Variants in ODAPH observed in about 807,000 individuals in gnomAD.
The protein encoded by ODAPH is odontogenesis associated phosphoprotein.
Under a neutral mutation model 2.8 loss-of-function variants are expected in ODAPH, and 2 were observed. The observed-to-expected ratio is 0.72, with a 90% CI of 0.30 to 2.28. The LOEUF (loss-of-function observed/expected upper bound fraction) is 2.28, where lower values mean the gene tolerates loss of function less well. Among genes scored for constraint, ODAPH ranks in the 30% most tolerant of loss-of-function variants. The probability of loss-of-function intolerance (pLI) is 0.13; values close to 1 mark genes in which losing one functional copy is unlikely to be tolerated. For missense variants in ODAPH, 159 were observed against 163.3 expected (o/e 0.97, Z 0.14); for synonymous variants, 75 against 60.3 (o/e 1.24, Z -1.13).
rs138139808 is a variant in ODAPH at position 75,558,606 on chromosome 4, C to G, written c.67+2457C>G. On this transcript the variant is annotated intron_variant, in intron 1 of 1. Transcript: ENST00000311623. ...GTATGCTGTGAATTTCATGTCTAGA[C>G]TATAATAAACCACCTTAAAACTGAT... Among the ~76,000 whole-genome samples, 567 of 152,054 alleles carry G rather than the reference C, an allele frequency of 3.7e-3. 2 individuals are homozygous for G. The highest frequency in any genetic ancestry group is 0.013 in the African/African-American group (545 of 41,488).
Position 75,564,398 on chromosome 4 carries a change from A to T in ODAPH, c.352A>T (p.Arg118Ter). The change falls in exon 2 of 2, where the codon AGA becomes TGA. Residue 118 changes from arginine to a stop codon, truncating the protein, a stop_gained. Coordinates refer to ENST00000311623, the MANE Select transcript of ODAPH (RefSeq NM_178497.5). LOFTEE classifies it high-confidence loss of function. ...HRYLTYRYFP[R>*]RRLQRGSSSE... ...TTACCTTACTTATAGGTATTTCCCC[A>T]GAAGAAGACTCCAGAGAGGAAGCTC... The T allele has an allele frequency of 1.2e-6, 2 of 1,614,198 alleles. No homozygotes were observed.
intron 1 of ODAPH, among the ~76,000 whole-genome samples, chr4:75,556,902 G>A (rs568240439): frequency 1.5e-4 from 23 of 152,124 alleles, no homozygotes; most frequent in Non-Finnish European, 2.8e-4. Flanking sequence ...TGCTGTTTAC[G>A]GAAGATGGAC....
In ODAPH at chr4:75,564,478, G is replaced by C. The variant is rs1727736226; in HGVS notation, c.*39G>C. The stretch of plus-strand genomic sequence containing the variant: ...CCCAAACATACTGAAGCAAAAAAAA[G>C]CCTATCCTTCAGAAAAAAGCAACAA... On this transcript the variant is annotated 3_prime_UTR_variant, in exon 2 of 2. Coordinates refer to ENST00000311623, the MANE Select transcript of ODAPH (RefSeq NM_178497.5). 3 of 1,613,602 alleles carry C rather than the reference G, an allele frequency of 1.9e-6. No homozygotes were observed. The highest frequency in any genetic ancestry group is 2.5e-6 in the Non-Finnish European group (3 of 1,179,986).
intron 1 of ODAPH, among the ~76,000 whole-genome samples, chr4:75,563,590 A>C (rs1043912529): frequency 3.3e-5 from 5 of 152,010 alleles, no homozygotes; most frequent in African/African-American, 1.2e-4. Flanking sequence ...CCTTTCCCTA[A>C]GCTGAATTAT....
intron 1 of ODAPH, among the ~76,000 whole-genome samples, chr4:75,558,504 G>A (rs1727433528): frequency 1.4e-5 from 2 of 140,036 alleles, no homozygotes; most frequent in African/African-American, 5.4e-5. Context: ...ACAGAGTATA[G>A]GTAATTATAA....
chr4:75,557,429 C>A (rs867518290), intron 1 of ODAPH, among the ~76,000 whole-genome samples: 1 of 152,118 alleles, frequency 6.6e-6, no homozygotes, highest in East Asian at 1.9e-4. Flanking sequence ...CACCTGAGGT[C>A]GGGAGTTCAA....
chr4:75,565,036 A>T (rs1727759834), downstream of ODAPH: 1 of 158,856 alleles, frequency 6.3e-6, no homozygotes, highest in Non-Finnish European at 1.4e-5. Context: ...CACTCTTGTT[A>T]CCCAGGCTGG....
At chr4:75,557,029 C>T (rs28715769) in intron 1 of ODAPH, among the ~76,000 whole-genome samples, 15,345 of 152,090 alleles carry the variant, frequency 0.1, 864 homozygotes, top group South Asian at 0.21. Context: ...TCCCTCAGAG[C>T]TCACAATAGA....
At chr4:75,560,938 G>A (rs553071410) in intron 1 of ODAPH, among the ~76,000 whole-genome samples, 1 of 152,320 alleles carries the variant, frequency 6.6e-6, no homozygotes, top group Admixed American at 6.5e-5. Context: ...GGCTAGCTTG[G>A]CCGGGCGTGG....
At chr4:75,563,416 A>G (rs557870263) in intron 1 of ODAPH, 1 of 154,356 alleles carries the variant, frequency 6.5e-6, no homozygotes, top group Non-Finnish European at 1.5e-5. Flanking sequence ...ATGTATGTAC[A>G]TATATATCTG....
intron 1 of ODAPH, among the ~76,000 whole-genome samples, chr4:75,563,034 T>G (rs1317101020): frequency 1.0e-5 from 1 of 96,844 alleles, no homozygotes; most frequent in African/African-American, 4.2e-5. Flanking sequence ...TTTTTTTTTT[T>G]TTTTTTTTGA....
intron 1 of ODAPH, among the ~76,000 whole-genome samples, chr4:75,560,418 C>T (rs1004769863): frequency 7.9e-5 from 12 of 152,306 alleles, no homozygotes; most frequent in African/African-American, 2.6e-4. Context: ...AGTGTTAGAT[C>T]AGCTGAAGTC....
At chr4:75,561,223 C>CAAAAAACAAAAAAAAAAAAAAAAA (rs760206306) in intron 1 of ODAPH, among the ~76,000 whole-genome samples, 3 of 62,688 alleles carry the variant, frequency 4.8e-5, no homozygotes, top group African/African-American at 1.8e-4. Flanking sequence ...AACTCAATCT[C>CAAAAAACAAAAAAAAAAAAAAAAA]AAAAAAAAAA....
At position 75,556,068 on chromosome 4, in the gene ODAPH, T is replaced by G; in HGVS notation, c.-15T>G. On this transcript the variant is annotated 5_prime_UTR_variant, in exon 1 of 2. Transcript: ENST00000311623. ...GCAACATCAGGTTCAACGCAGTGAC[T>G]GCTCAGTAGAAGCCATGGCTCGCAG... The G allele has an allele frequency of 6.2e-7, 1 of 1,613,864 alleles. No homozygotes were observed. Among genetic ancestry groups the G allele is most frequent in the Non-Finnish European group, 8.5e-7 (1 of 1,179,786 alleles).
Position 75,564,496 on chromosome 4 carries a change from A to G in ODAPH, c.*57A>G, listed in dbSNP as rs1176427116. On this transcript the variant is annotated 3_prime_UTR_variant, in exon 2 of 2. Coordinates refer to ENST00000311623, the MANE Select transcript of ODAPH (RefSeq NM_178497.5). Reference sequence around the variant, plus strand: ...AAAAAAAGCCTATCCTTCAGAAAAAAGCAACAAAAAGATTTCTGTTTTATC... The same window carrying G: ...AAAAAAAGCCTATCCTTCAGAAAAAGGCAACAAAAAGATTTCTGTTTTATC... 5.6e-6 allele frequency: 9 copies of G among 1,612,980 alleles called. No individual in the cohort carries two copies. Among genetic ancestry groups the G allele is most frequent in the Admixed American group, 1.7e-5 (1 of 59,830 alleles).
intron 1 of ODAPH, among the ~76,000 whole-genome samples, chr4:75,560,997 C>G (rs1238601044): frequency 6.6e-6 from 1 of 152,006 alleles, no homozygotes; most frequent in Non-Finnish European, 1.5e-5. Flanking sequence ...GCGGGCGGAT[C>G]ACGAGGTCAG....
In ODAPH at chr4:75,556,567, C is replaced by A. The variant is rs532323259; in HGVS notation, c.67+418C>A. 36 of 1,535,062 alleles carry A rather than the reference C, an allele frequency of 2.3e-5. No individual in the cohort carries two copies. The East Asian group carries it at 8.6e-4, about 36-fold the overall frequency. On this transcript the variant is annotated intron_variant, in intron 1 of 1. Coordinates refer to ENST00000311623, the MANE Select transcript of ODAPH (RefSeq NM_178497.5). ...ACTGTCCACTTTCTATCTCCAGCAG[C>A]ATATTAATTTGCACATGGTGGGTAT...
chr4:75,561,095 G>A (rs965730354), intron 1 of ODAPH, among the ~76,000 whole-genome samples: 9 of 151,756 alleles, frequency 5.9e-5, no homozygotes, highest in Admixed American at 2.0e-4. Flanking sequence ...GTGGTGGCGC[G>A]CGCCTGTAGT....
intron 1 of ODAPH, among the ~76,000 whole-genome samples, chr4:75,560,866 G>GA (rs1727535051): frequency 6.6e-6 from 1 of 152,176 alleles, no homozygotes; most frequent in Non-Finnish European, 1.5e-5. Flanking sequence ...CCTAGTGGCA[G>GA]AGCTCAAGGC....
Sources: gnomAD v4.1 joint callset for allele counts (sites outside exome capture counted in the v4.1 genomes callset) on GRCh38, gnomAD v4.1.1 for gene constraint, MANE v1.5 for transcripts, NCBI Gene and HGNC (gene_info 2026-07-23, HGNC 2026-07-21) for gene names.